The following B3GALNT2 variants were observed in gnomAD, a reference collection of about 807,000 sequenced individuals.
The protein encoded by B3GALNT2 is UDP-GalNAc:beta-1,3-N-acetylgalactosaminyltransferase 2.
A neutral mutation model predicts 61.1 loss-of-function variants in B3GALNT2; 53 were observed. The ratio of observed to expected loss-of-function variants is 0.87; its 90% CI spans 0.70 to 1.09. The LOEUF is 1.09. Ranked by LOEUF, B3GALNT2 falls within the 50% of genes least tolerant of loss-of-function variation. B3GALNT2 has a pLI of 0.00. For missense variants in B3GALNT2, 544 were observed against 623.0 expected, an observed-to-expected ratio of 0.87 and a Z score of 1.35; for synonymous variants, 223 against 237.4, an observed-to-expected ratio of 0.94 and a Z score of 0.56.
intron 1 of B3GALNT2, among the ~76,000 whole-genome samples, chr1:235,495,719 T>C (rs765311821): frequency 7.9e-5 from 12 of 152,190 alleles, no homozygotes; most frequent in Non-Finnish European, 1.6e-4. Context: ...TACAAGCTTA[T>C]ATATAGCTCT....
At chr1:235,467,894 C>T (rs1216433630) in intron 6 of B3GALNT2, among the ~76,000 whole-genome samples, 2 of 152,014 alleles carry the variant, frequency 1.3e-5, no homozygotes, top group Admixed American at 6.6e-5. Context: ...ATTCTCCTTT[C>T]TCAGCCTCTT....
rs928524215 is a variant in B3GALNT2 at position 235,447,414 on chromosome 1, C to T, written c.*2792G>A. On this transcript the variant is annotated 3_prime_UTR_variant, in exon 12 of 12. Coordinates refer to ENST00000366600, the MANE Select transcript of B3GALNT2 (RefSeq NM_152490.5). ...AAAATATCCACTATTTACCACAACCCGTCTTTGGAAAGAAGTTCATAGTGT... is the reference window on the plus strand; with the variant it reads ...AAAATATCCACTATTTACCACAACCTGTCTTTGGAAAGAAGTTCATAGTGT... 3.9e-5 allele frequency among the ~76,000 whole-genome samples: 6 copies of T among 152,206 alleles called. No individual in the cohort carries two copies. Among genetic ancestry groups the T allele is most frequent in the Non-Finnish European group, 5.9e-5 (4 of 68,038 alleles).
chr1:235,482,877 G>T (rs187704646), intron 4 of B3GALNT2, among the ~76,000 whole-genome samples: 3 of 151,906 alleles, frequency 2.0e-5, no homozygotes, highest in Non-Finnish European at 4.4e-5. Flanking sequence ...CAAAATACTA[G>T]ACATAAAACA....
chr1:235,484,563 G>C, intron 3 of B3GALNT2, 48 bp from the exon 4 acceptor site: 3 of 1,540,574 alleles, frequency 1.9e-6, no homozygotes, highest in Non-Finnish European at 2.6e-6. Flanking sequence ...GTAATCCTTT[G>C]TTTTACTAGT....
At chr1:235,495,382 A>G (rs1395736743) in intron 1 of B3GALNT2, among the ~76,000 whole-genome samples, 1 of 152,212 alleles carries the variant, frequency 6.6e-6, no homozygotes, top group Non-Finnish European at 1.5e-5. Context: ...GAGGTCCTAC[A>G]TTAATGTTAG....
intron 1 of B3GALNT2, chr1:235,496,328 T>C: frequency 9.7e-7 from 1 of 1,027,888 alleles, no homozygotes; most frequent in Non-Finnish European, 1.2e-6. Flanking sequence ...AAAAAAAAGT[T>C]CCATTCCAAA....
downstream of B3GALNT2, among the ~76,000 whole-genome samples, chr1:235,445,457 C>T (rs1028132308): frequency 2.6e-5 from 4 of 152,016 alleles, no homozygotes; most frequent in African/African-American, 7.2e-5. Flanking sequence ...GGTGAAACCC[C>T]GTCTCTACAA....
At chr1:235,474,979 A>ATTT (rs1684192772) in intron 5 of B3GALNT2, among the ~76,000 whole-genome samples, 2 of 33,710 alleles carry the variant, frequency 5.9e-5, no homozygotes, top group Non-Finnish European at 9.5e-5. Context: ...ATATATATAT[A>ATTT]TATATATATT....
chr1:235,465,130 C>T (rs1411168782), intron 7 of B3GALNT2: 1 of 152,270 alleles, frequency 6.6e-6, no homozygotes, highest in Non-Finnish European at 1.5e-5. Flanking sequence ...ATGTTTACTA[C>T]AGAATTATTC....
At chr1:235,492,646 C>A (rs1685121505) in intron 2 of B3GALNT2, among the ~76,000 whole-genome samples, 1 of 152,128 alleles carries the variant, frequency 6.6e-6, no homozygotes, top group African/African-American at 2.4e-5. Flanking sequence ...GAAAGACAAA[C>A]AATTTTACAA....
At position 235,448,675 on chromosome 1, in the gene B3GALNT2, G is replaced by C. The variant is rs148233223; in HGVS notation, c.*1531C>G. ...CACCTTCGTTCTAATTTTAGAAGCC[G>C]GGCAGAGAAATCGAGCTGGAAAATG... is the stretch of plus-strand genomic sequence containing the variant. On this transcript the variant is annotated 3_prime_UTR_variant, in exon 12 of 12. Transcript: ENST00000366600. 6.2e-7 allele frequency: 1 copy of C among 1,613,450 alleles called. No individual in the cohort carries two copies. Among genetic ancestry groups the C allele is most frequent in the Non-Finnish European group, 8.5e-7 (1 of 1,179,588 alleles).
intron 1 of B3GALNT2, among the ~76,000 whole-genome samples, chr1:235,498,750 A>G (rs188765484): frequency 8.2e-5 from 12 of 146,758 alleles, no homozygotes; most frequent in Middle Eastern, 3.5e-3. Context: ...AGGCTGAGTC[A>G]GGAGACTTGC....
At position 235,449,971 on chromosome 1, in the gene B3GALNT2, C is replaced by G; in HGVS notation, c.*235G>C. 2.7e-6 allele frequency: 1 copy of G among 365,568 alleles called. No individual in the cohort carries two copies. Among genetic ancestry groups the G allele is most frequent in the Non-Finnish European group, 4.9e-6 (1 of 205,136 alleles). 22.6% of individuals were successfully genotyped at this position (365,568 alleles called of 1,614,324 possible). A position where few individuals can be genotyped will look rare whatever the true frequency, so the allele number is the denominator to read the frequency against. On this transcript the variant is annotated 3_prime_UTR_variant, in exon 12 of 12. Transcript: ENST00000366600. ...TTTTATAAAATAACTTGGTATTTTT[C>G]TGATAATCTTCCAATAGATAAATAA...
intron 11 of B3GALNT2, 80 bp downstream of exon 11, chr1:235,453,010 G>A: frequency 1.6e-6 from 2 of 1,271,088 alleles, no homozygotes; most frequent in South Asian, 1.3e-5. Flanking sequence ...CAGGCATTTT[G>A]GATAAAGAAC....
downstream of B3GALNT2, chr1:235,442,712 G>C: frequency 1.3e-6 from 1 of 751,256 alleles, no homozygotes; most frequent in East Asian, 2.7e-5. Flanking sequence ...AGGATTAATA[G>C]AAAGAATTTT....
At position 235,454,348 on chromosome 1, in the gene B3GALNT2, A is replaced by G. The variant is rs779504258; in HGVS notation, c.1152-33T>C. ...GAAAAATAATGTGGCCTCTTGTGTT[A>G]GTCTGACACATATCCTGCCACTATT... is the stretch of plus-strand genomic sequence containing the variant. On this transcript the variant is annotated intron_variant, in intron 9 of 11. Coordinates refer to ENST00000366600, the MANE Select transcript of B3GALNT2 (RefSeq NM_152490.5). 2.1e-5 allele frequency: 33 copies of G among 1,561,752 alleles called. No individual in the cohort carries two copies. The South Asian group carries it at 3.6e-4, about 17-fold the overall frequency.
At chr1:235,453,657 G>A (rs1342259371) in intron 10 of B3GALNT2, among the ~76,000 whole-genome samples, 2 of 152,120 alleles carry the variant, frequency 1.3e-5, no homozygotes, top group Non-Finnish European at 2.9e-5. Context: ...ATGTTGGCCA[G>A]GCTGGTTTTG....
downstream of B3GALNT2, among the ~76,000 whole-genome samples, chr1:235,446,750 TAC>T (rs947975102): frequency 4.7e-5 from 7 of 150,450 alleles, no homozygotes; most frequent in African/African-American, 1.7e-4. Flanking sequence ...CTGGATGGAG[TAC>T]AGTGGCGCGA....
chr1:235,462,680 T>G (rs1050178134), intron 7 of B3GALNT2, among the ~76,000 whole-genome samples: 3 of 152,194 alleles, frequency 2.0e-5, no homozygotes, highest in African/African-American at 7.2e-5. Context: ...ACTTTTATAC[T>G]GAAAAATCAA....
Sources: allele counts gnomAD v4.1 joint callset (sites outside exome capture counted in the v4.1 genomes callset), GRCh38; gene constraint gnomAD v4.1.1; transcripts MANE v1.5; gene names NCBI Gene and HGNC (gene_info 2026-07-23, HGNC 2026-07-21).